The following PRG4 variants were observed in gnomAD, a reference collection of about 807,000 sequenced individuals.
PRG4 encodes proteoglycan 4, also known as articular superficial zone protein.
Under a neutral mutation model 91.2 loss-of-function variants are expected in PRG4, and 61 were observed. That is an observed-to-expected ratio of 0.67 (90% CI 0.54 to 0.83). The LOEUF (loss-of-function observed/expected upper bound fraction) is 0.83. Among genes scored for constraint, PRG4 ranks in the 40% least tolerant of loss-of-function variants. PRG4 has a pLI of 0.00. For synonymous variants in PRG4, 576 were observed against 614.2 expected (o/e 0.94, Z 0.92); for missense variants, 1,564 against 1,714.2 (o/e 0.91, Z 1.55).
intron 10 of PRG4, 73 bp downstream of exon 10, chr1:186,311,669 C>A: frequency 3.5e-6 from 5 of 1,443,390 alleles, no homozygotes; most frequent in Middle Eastern, 1.7e-4. Flanking sequence ...TTATTATTGA[C>A]TTTACTGTCA....
chr1:186,306,448 C>T lies in PRG4; in HGVS notation c.729C>T (p.His243=), dbSNP rs752789927. The T allele has an allele frequency of 7.4e-6, 12 of 1,613,688 alleles. No individual in the cohort carries two copies. The highest frequency in any genetic ancestry group is 1.0e-5 in the Non-Finnish European group (12 of 1,179,752). ...CTCCTGACACGTCTACCACCCAACACAATAAAGTCAGCACATCTCCCAAGA... is the reference window on the plus strand; with the variant it reads ...CTCCTGACACGTCTACCACCCAACATAATAAAGTCAGCACATCTCCCAAGA... The part of the protein sequence containing the change: ...VTTPDTSTTQ[H]NKVSTSPKIT... The change falls in exon 7 of 13, where the codon CAC becomes CAT. Residue 243 remains histidine (H), a synonymous_variant. Transcript: ENST00000445192.
chr1:186,297,849 A>G (rs904990418), intron 2 of PRG4, among the ~76,000 whole-genome samples: 11 of 152,248 alleles, frequency 7.2e-5, no homozygotes, highest in African/African-American at 2.4e-4. Context: ...CTGCATAGGC[A>G]TAAGTTGCAG....
rs562790970 is a variant in PRG4, at chr1:186,314,408, T to C, written c.*630T>C. 1.4e-5 allele frequency: 5 copies of C among 362,000 alleles called. No homozygotes were observed. The highest frequency in any genetic ancestry group is 8.5e-5 in the Admixed American group (2 of 23,614). 22.4% of individuals were successfully genotyped at this position (362,000 alleles called of 1,614,324 possible). A position where few individuals can be genotyped will look rare whatever the true frequency, so the allele number is the denominator to read the frequency against. ...AATTTGGATTTAAGGAAGAAATCAA[T>C]AAATATAAAATATAAGCACATATTT... On this transcript the variant is annotated 3_prime_UTR_variant, in exon 13 of 13. Transcript: ENST00000445192.
chr1:186,309,134 C>A lies in PRG4; in HGVS notation c.3415C>A (p.Leu1139Ile). 1 of 1,610,948 alleles carries A rather than the reference C, an allele frequency of 6.2e-7. No homozygotes were observed. The highest frequency in any genetic ancestry group is 8.5e-7 in the Non-Finnish European group (1 of 1,177,886). Residue 1139 changes from leucine to isoleucine, a missense_variant, in exon 7 of 13, where the codon CTT becomes ATT. Around this residue, in one of 3 missense-constraint regions of PRG4, gnomAD observed 1,079 missense variants for 1,162.2 expected, o/e 0.93. Coordinates refer to ENST00000445192, the MANE Select transcript of PRG4 (RefSeq NM_005807.6). ...PNQGIIINPM[L>I]SDETNICNGK... Reference sequence around the variant, plus strand: ...TCAAGGCATTATCATCAATCCCATGCTTTCCGGTATTAAGAATCAGTTATT... The same window carrying A: ...TCAAGGCATTATCATCAATCCCATGATTTCCGGTATTAAGAATCAGTTATT...
intron 4 of PRG4, among the ~76,000 whole-genome samples, chr1:186,302,998 G>A (rs910839202): frequency 2.6e-5 from 4 of 152,084 alleles, no homozygotes; most frequent in Admixed American, 6.5e-5. Context: ...GACAGTCAGC[G>A]TCCCAACTTA....
chr1:186,304,379 C>G, intron 5 of PRG4, 122 bp downstream of exon 5: 1 of 1,189,448 alleles, frequency 8.4e-7, no homozygotes, highest in Non-Finnish European at 1.2e-6. Flanking sequence ...CCTCATTACA[C>G]TCGAAGGTTT....
chr1:186,303,593 A>G (rs890568116), intron 4 of PRG4, among the ~76,000 whole-genome samples: 24 of 152,196 alleles, frequency 1.6e-4, no homozygotes, highest in African/African-American at 5.8e-4. Context: ...CATTTTGAGG[A>G]AAAGCACAAT....
chr1:186,310,930 C>G, intron 8 of PRG4, 104 bp from the exon 9 acceptor site: 1 of 1,268,766 alleles, frequency 7.9e-7, no homozygotes, highest in Non-Finnish European at 1.1e-6. Context: ...ACTAAACTTC[C>G]AGTCATACAA....
chr1:186,312,159 T>A lies in PRG4; in HGVS notation c.3794-16T>A, dbSNP rs1373414396. Reference sequence around the variant, plus strand: ...ATTAATTTTCATTTTCCATGTGATATTCTAATACATAACAGGTGGCAGCAT... The same window carrying A: ...ATTAATTTTCATTTTCCATGTGATAATCTAATACATAACAGGTGGCAGCAT... On this transcript the variant is annotated splice_polypyrimidine_tract_variant and intron_variant, in intron 10 of 12. Transcript: ENST00000445192. 1.9e-6 allele frequency: 3 copies of A among 1,610,002 alleles called. No individual in the cohort carries two copies. Among genetic ancestry groups the A allele is most frequent in the East Asian group, 4.5e-5 (2 of 44,850 alleles).
chr1:186,311,336 C>T (rs182539435), intron 9 of PRG4, 104 bp from the exon 10 acceptor site: 30 of 1,438,808 alleles, frequency 2.1e-5, no homozygotes, highest in Middle Eastern at 1.8e-4. Flanking sequence ...AAAATTCAAC[C>T]GTTTAACCAA....
chr1:186,300,586 C>T (rs904468221), intron 3 of PRG4, among the ~76,000 whole-genome samples: 1 of 152,114 alleles, frequency 6.6e-6, no homozygotes, highest in Admixed American at 6.5e-5. Flanking sequence ...CAGAGATGTC[C>T]TCGACTAGTA....
chr1:186,307,608 A>G lies in PRG4; in HGVS notation c.1889A>G (p.Glu630Gly), dbSNP rs1656791919. ...AAGAAGCTCACGCCCACCACCCCCGAGAAGCTCGCACCCACCACCCCTGAG... is the reference window on the plus strand; with the variant it reads ...AAGAAGCTCACGCCCACCACCCCCGGGAAGCTCGCACCCACCACCCCTGAG... ...TPKKLTPTTP[E>G]KLAPTTPEKP... The change falls in exon 7 of 13, where the codon GAG (glutamate) becomes GGG (glycine). Residue 630 changes from glutamate to glycine, a missense_variant. Glu to Gly is a moderately conservative substitution (Grantham distance 98). Around this residue, in one of 3 missense-constraint regions of PRG4, gnomAD observed 1,079 missense variants for 1,162.2 expected, o/e 0.93. Transcript: ENST00000445192. 6.7e-7 allele frequency: 1 copy of G among 1,482,502 alleles called. No homozygotes were observed. Among genetic ancestry groups the G allele is most frequent in the Non-Finnish European group, 9.0e-7 (1 of 1,116,908 alleles). The allele number at this position is 1,482,502 out of a possible 1,614,324, so 91.8% of individuals were successfully genotyped here.
In PRG4 at chr1:186,306,575, A is replaced by G. The variant is rs984694669; in HGVS notation, c.856A>G (p.Thr286Ala). 5 of 1,613,476 alleles carry G rather than the reference A, an allele frequency of 3.1e-6. No individual in the cohort carries two copies. Among genetic ancestry groups the G allele is most frequent in the Non-Finnish European group, 4.2e-6 (5 of 1,179,624 alleles). Residue 286 changes from threonine to alanine, a missense_variant, in exon 7 of 13, where the codon ACT becomes GCT. Around this residue, in one of 3 missense-constraint regions of PRG4, gnomAD observed 437 missense variants for 459.0 expected, o/e 0.95. Coordinates refer to ENST00000445192, the MANE Select transcript of PRG4 (RefSeq NM_005807.6). ...AGTGAATAAAGAGACAACAGTTGAA[A>G]CTAAAGAAACTACTACAACAAATAA... Reference protein sequence around the residue: ...LTVNKETTVETKETTTTNKQT... With the variant: ...LTVNKETTVEAKETTTTNKQT...
chr1:186,307,013 C>T lies in PRG4; in HGVS notation c.1294C>T (p.Pro432Ser), dbSNP rs754662849. 5 of 1,533,872 alleles carry T rather than the reference C, an allele frequency of 3.3e-6. No individual in the cohort carries two copies. The highest frequency in any genetic ancestry group is 3.5e-6 in the Non-Finnish European group (4 of 1,139,546). The change falls in exon 7 of 13, where the codon CCC becomes TCC. Residue 432 changes from proline to serine, a missense_variant. By Grantham distance (74) the Pro-to-Ser change is moderately conservative. Transcript: ENST00000445192. ...CACCACCAAGTCTGCACCCACCACT[C>T]CCAAGGAGCCTGCACCCACCACCCC... The part of the protein sequence containing the change: ...PTTTKSAPTT[P>S]KEPAPTTPKK...
rs987331186 is a variant in PRG4, at chr1:186,306,687, C to A, written c.968C>A (p.Pro323His). Reference protein sequence around the residue: ...IEKTSAKDLAPTSKVLAKPTP... With the variant: ...IEKTSAKDLAHTSKVLAKPTP... ...AAAACATCTGCTAAAGATTTAGCAC[C>A]CACATCTAAAGTGCTGGCTAAACCT... Residue 323 changes from proline to histidine, a missense_variant, in exon 7 of 13, where the codon CCC becomes CAC. This residue lies in a region of PRG4 where 437 missense variants were observed against 459.0 expected (regional missense o/e 0.95). Coordinates refer to ENST00000445192, the MANE Select transcript of PRG4 (RefSeq NM_005807.6). 6.2e-7 allele frequency: 1 copy of A among 1,613,712 alleles called. No homozygotes were observed. The highest frequency in any genetic ancestry group is 8.5e-7 in the Non-Finnish European group (1 of 1,179,748).
intron 7 of PRG4, 51 bp from the exon 8 acceptor site, chr1:186,309,741 AG>A: frequency 7.6e-7 from 1 of 1,315,640 alleles, no homozygotes; most frequent in Non-Finnish European, 1.1e-6. Flanking sequence ...AAGAACATAC[AG>A]ACTTTTCTCA....
chr1:186,307,509 C>T lies in PRG4; in HGVS notation c.1790C>T (p.Thr597Ile). The change falls in exon 7 of 13, where the codon ACC becomes ATC. Residue 597 changes from threonine (T) to isoleucine (I), a missense_variant. Coordinates refer to ENST00000445192, the MANE Select transcript of PRG4 (RefSeq NM_005807.6). ...CCCAAGGAACCTGCACCCACCACCA[C>T]CAAGAAGCCTGCACCCACCACTCCC... ...TTPKEPAPTT[T>I]KKPAPTTPKE... 1.3e-6 allele frequency: 2 copies of T among 1,569,082 alleles called. No individual in the cohort carries two copies. Among genetic ancestry groups the T allele is most frequent in the Non-Finnish European group, 1.7e-6 (2 of 1,147,970 alleles).
At position 186,304,916 on chromosome 1, in the gene PRG4, CT is replaced by C; in HGVS notation, c.593del (p.Leu198ProfsTer3). The C allele has an allele frequency of 1.2e-6, 2 of 1,612,976 alleles. No individual in the cohort carries two copies. The highest frequency in any genetic ancestry group is 2.2e-5 in the South Asian group (2 of 91,012). On this transcript the variant is annotated frameshift_variant, in exon 6 of 13. Coordinates refer to ENST00000445192, the MANE Select transcript of PRG4 (RefSeq NM_005807.6). LOFTEE classifies it high-confidence loss of function. ...SAANRELQKKLKVKDNKKNRT... is the reference protein window; with the variant it reads ...SAANRELQKKXKVKDNKKNRT... ...TGCTAATAGAGAATTACAGAAGAAA[CT>C]CAAAGGTTTGAGCATTGATAAAGAT...
At chr1:186,299,628 A>G (rs1247653949) in intron 2 of PRG4, among the ~76,000 whole-genome samples, 2 of 152,206 alleles carry the variant, frequency 1.3e-5, no homozygotes, top group East Asian at 1.9e-4. Context: ...TCGTGTGATA[A>G]TGAGCAAGTT....
Sources: allele counts gnomAD v4.1 joint callset (sites outside exome capture counted in the v4.1 genomes callset), GRCh38; gene constraint gnomAD v4.1.1; regional missense constraint gnomAD v4.1.1; transcripts MANE v1.5; gene names NCBI Gene and HGNC (gene_info 2026-07-23, HGNC 2026-07-21).